Variants in SLC26A7 observed in about 807,000 individuals in gnomAD.
The protein encoded by SLC26A7 is anion exchange transporter.
SLC26A7 carries 59 observed loss-of-function variants against 82.5 expected under a neutral mutation model. The observed-to-expected ratio is 0.72, with a 90% CI of 0.58 to 0.89. The LOEUF is 0.89. Among genes scored for constraint, SLC26A7 ranks in the 40% least tolerant of loss-of-function variants. The pLI is 0.00. For missense variants in SLC26A7, 820 were observed against 793.0 expected, an observed-to-expected ratio of 1.03 and a Z score of -0.41; for synonymous variants, 271 against 274.3, an observed-to-expected ratio of 0.99 and a Z score of 0.12.
At chr8:91,376,827 G>C (rs1189282142) in intron 15 of SLC26A7, among the ~76,000 whole-genome samples, 7 of 152,078 alleles carry the variant, frequency 4.6e-5, no homozygotes, top group Non-Finnish European at 8.8e-5. Context: ...GGGCAGTGGG[G>C]CGAGCACCAG....
chr8:91,391,138 C>T (rs1391766212), intron 16 of SLC26A7, among the ~76,000 whole-genome samples: 1 of 152,106 alleles, frequency 6.6e-6, no homozygotes, highest in African/African-American at 2.4e-5. Flanking sequence ...TTTGAAATGT[C>T]CAGCCTTTCA....
intron 15 of SLC26A7, among the ~76,000 whole-genome samples, chr8:91,376,919 A>G (rs1814532668): frequency 6.6e-6 from 1 of 152,086 alleles, no homozygotes; most frequent in Non-Finnish European, 1.5e-5. Flanking sequence ...CAGTTTATAT[A>G]GACTTTGTCC....
At chr8:91,394,754 T>G (rs1808520244) in intron 18 of SLC26A7, 1 of 1,083,466 alleles carries the variant, frequency 9.2e-7, no homozygotes, top group African/African-American at 1.6e-5. Flanking sequence ...TTCTAAAAGC[T>G]TTACTATGTT....
intron 1 of SLC26A7, among the ~76,000 whole-genome samples, chr8:91,215,157 C>G (rs1810019648): frequency 2.0e-5 from 3 of 152,056 alleles, no homozygotes; most frequent in Admixed American, 6.6e-5. Context: ...CTTGCAATGT[C>G]CCTTTTGCTA....
upstream of SLC26A7, among the ~76,000 whole-genome samples, chr8:91,245,449 C>T (rs1200029717): frequency 6.6e-6 from 1 of 152,216 alleles, no homozygotes; most frequent in East Asian, 1.9e-4. Flanking sequence ...GTGGACGTAT[C>T]CCCATGCCAG....
intron 2 of SLC26A7, among the ~76,000 whole-genome samples, chr8:91,224,535 A>G (rs1810207860): frequency 6.6e-6 from 1 of 152,156 alleles, no homozygotes; most frequent in South Asian, 2.1e-4. Context: ...AGGAGGCTGG[A>G]CAGCAGCAAA....
chr8:91,269,956 C>G (rs995091978), intron 2 of SLC26A7, among the ~76,000 whole-genome samples: 5 of 151,690 alleles, frequency 3.3e-5, no homozygotes, highest in African/African-American at 1.2e-4. Context: ...ATTTATTTGC[C>G]AAATTTCTCA....
At chr8:91,274,102 G>A (rs1811343101) in intron 2 of SLC26A7, among the ~76,000 whole-genome samples, 1 of 152,152 alleles carries the variant, frequency 6.6e-6, no homozygotes, top group Admixed American at 6.5e-5. Flanking sequence ...CTAGTACACA[G>A]AGTTACTTTG....
intron 5 of SLC26A7, among the ~76,000 whole-genome samples, chr8:91,328,467 A>G (rs575683178): frequency 3.7e-4 from 56 of 152,154 alleles, no homozygotes; most frequent in Non-Finnish European, 6.6e-4. Flanking sequence ...AAACTTGATA[A>G]CTGCAAATCC....
intron 16 of SLC26A7, among the ~76,000 whole-genome samples, chr8:91,391,537 C>T (rs890888153): frequency 6.6e-5 from 10 of 152,180 alleles, no homozygotes. Context: ...AACCTGAATA[C>T]TTCGTGTTTT....
intron 18 of SLC26A7, chr8:91,394,847 A>G (rs1202285791): frequency 2.5e-6 from 2 of 801,308 alleles, no homozygotes; most frequent in Non-Finnish European, 3.6e-6. Context: ...GACCAGGGAA[A>G]TTACACCATC....
intron 2 of SLC26A7, among the ~76,000 whole-genome samples, chr8:91,273,724 A>G (rs1811332933): frequency 6.6e-6 from 1 of 152,200 alleles, no homozygotes; most frequent in Non-Finnish European, 1.5e-5. Flanking sequence ...CATTTGTGAA[A>G]GTTTGTTCAT....
chr8:91,322,774 C>T (rs540043599), intron 5 of SLC26A7, among the ~76,000 whole-genome samples: 12 of 152,056 alleles, frequency 7.9e-5, no homozygotes, highest in Admixed American at 2.0e-4. Context: ...GAGCAAAAGG[C>T]GAGCTTGGCA....
At chr8:91,216,854 G>A (rs919728613) in intron 1 of SLC26A7, among the ~76,000 whole-genome samples, 3 of 151,896 alleles carry the variant, frequency 2.0e-5, no homozygotes, top group Non-Finnish European at 4.4e-5. Flanking sequence ...ACATTTTATG[G>A]TCTATTTATA....
At chr8:91,350,458 A>T (rs933278586) in intron 9 of SLC26A7, among the ~76,000 whole-genome samples, 2 of 152,092 alleles carry the variant, frequency 1.3e-5, no homozygotes, top group Non-Finnish European at 2.9e-5. Context: ...ATTGTTGTAT[A>T]ACAAGTAAAA....
At chr8:91,344,015 T>C (rs1813492069) in intron 9 of SLC26A7, 1 of 973,348 alleles carries the variant, frequency 1.0e-6, no homozygotes, top group Non-Finnish European at 1.2e-6. Context: ...GGTAAGATGA[T>C]GATGATGATG....
intron 2 of SLC26A7, among the ~76,000 whole-genome samples, chr8:91,284,534 T>C (rs993629188): frequency 1.3e-5 from 2 of 152,204 alleles, no homozygotes; most frequent in East Asian, 1.9e-4. Context: ...CATTTGTTTT[T>C]AGACATTGAA....
At chr8:91,373,551 C>T (rs1814425017) in intron 15 of SLC26A7, among the ~76,000 whole-genome samples, 1 of 151,942 alleles carries the variant, frequency 6.6e-6, no homozygotes, top group Non-Finnish European at 1.5e-5. Context: ...GTTGAACCAT[C>T]CTTGTGTCCC....
intron 1 of SLC26A7, among the ~76,000 whole-genome samples, chr8:91,215,656 A>G (rs1328238661): frequency 1.3e-5 from 2 of 152,220 alleles, no homozygotes; most frequent in Non-Finnish European, 1.5e-5. Flanking sequence ...AAATAAAAGC[A>G]TATATAATCA....
Sources: gnomAD v4.1 joint callset for allele counts (sites outside exome capture counted in the v4.1 genomes callset) on GRCh38, gnomAD v4.1.1 for gene constraint, MANE v1.5 for transcripts, NCBI Gene and HGNC (gene_info 2026-07-23, HGNC 2026-07-21) for gene names.